XNDC1N: variants seen among roughly 807,000 people sequenced by gnomAD.
The protein encoded by XNDC1N is protein XNDC1N.
the XNDC1N span, among the ~76,000 whole-genome samples, chr11:71,898,115 C>A: frequency 2.2e-4 from 33 of 150,794 alleles, no homozygotes; most frequent in African/African-American, 7.4e-4. Flanking sequence ...ACCCAGGAGG[C>A]GGAGGTTGGA....
chr11:71,903,340 C>T, the XNDC1N span: 5 of 1,441,722 alleles, frequency 3.5e-6, no homozygotes, highest in South Asian at 4.6e-5. Context: ...TGGCCGTCAG[C>T]CCTGACTCCC....
chr11:71,903,198 C>T, the XNDC1N span: 1 of 742,858 alleles, frequency 1.3e-6, no homozygotes, highest in Non-Finnish European at 2.4e-6. Context: ...GATACAGACC[C>T]ACAGAGTCTA....
At chr11:71,898,510 G>A in the XNDC1N span, among the ~76,000 whole-genome samples, 1 of 152,142 alleles carries the variant, frequency 6.6e-6, no homozygotes, top group African/African-American at 2.4e-5. Context: ...GGGAGGCTGA[G>A]ACACAAGAAT....
At chr11:71,881,414 C>T in the XNDC1N span, among the ~76,000 whole-genome samples, 1 of 152,104 alleles carries the variant, frequency 6.6e-6, no homozygotes, top group Non-Finnish European at 1.5e-5. Context: ...AGTTCATTTT[C>T]TCACAGTTCT....
the XNDC1N span, among the ~76,000 whole-genome samples, chr11:71,869,598 A>G: frequency 6.6e-6 from 1 of 152,222 alleles, no homozygotes; most frequent in Admixed American, 6.5e-5. Flanking sequence ...TATCTATCAG[A>G]TCAGTTTTGT....
At chr11:71,893,891 G>C in the XNDC1N span, 4 of 957,042 alleles carry the variant, frequency 4.2e-6, no homozygotes, top group Middle Eastern at 2.5e-4. Context: ...CCTCACCTCT[G>C]TGTCTTCTTC....
the XNDC1N span, chr11:71,865,694 G>A: frequency 3.6e-6 from 1 of 279,880 alleles, no homozygotes; most frequent in Non-Finnish European, 7.0e-6. Context: ...TAATAAAGAA[G>A]TTCAGGGACA....
At chr11:71,917,826 A>T in the XNDC1N span, 3 of 694,844 alleles carry the variant, frequency 4.3e-6, no homozygotes, top group East Asian at 8.1e-5. Context: ...ATGACTGAAG[A>T]CAAAGGAATA....
At chr11:71,888,384 G>C in the XNDC1N span, among the ~76,000 whole-genome samples, 6 of 152,178 alleles carry the variant, frequency 3.9e-5, no homozygotes, top group South Asian at 1.2e-3. Flanking sequence ...TATTAGCCAA[G>C]CCTTTGTATG....
the XNDC1N span, chr11:71,918,798 A>G: frequency 1.5e-6 from 1 of 661,710 alleles, no homozygotes; most frequent in Non-Finnish European, 2.7e-6. Context: ...CTCAGCCAGA[A>G]TGAACTGAGA....
the XNDC1N span, among the ~76,000 whole-genome samples, chr11:71,898,499 C>A: frequency 6.6e-6 from 1 of 152,020 alleles, no homozygotes; most frequent in Non-Finnish European, 1.5e-5. Flanking sequence ...CCCAGCTACT[C>A]GGGAGGCTGA....
the XNDC1N span, among the ~76,000 whole-genome samples, chr11:71,907,452 T>C: frequency 9.3e-6 from 1 of 107,712 alleles, no homozygotes. Flanking sequence ...ATGCGGGGAG[T>C]AAGAGCCAGC....
At chr11:71,881,854 A>G in the XNDC1N span, among the ~76,000 whole-genome samples, 3 of 152,304 alleles carry the variant, frequency 2.0e-5, no homozygotes, top group South Asian at 4.1e-4. Context: ...AGAATATTTA[A>G]TAAGTGTAGG....
At chr11:71,923,481 A>G in the XNDC1N span, 1 of 643,678 alleles carries the variant, frequency 1.6e-6, no homozygotes, top group Non-Finnish European at 2.8e-6. Flanking sequence ...TACTCCTGAA[A>G]AAGAGAACAG....
the XNDC1N span, among the ~76,000 whole-genome samples, chr11:71,918,251 T>G: frequency 6.6e-6 from 1 of 152,310 alleles, no homozygotes; most frequent in East Asian, 1.9e-4. Context: ...GACACAGATA[T>G]TTACAGGTGT....
chr11:71,907,492 C>T, the XNDC1N span, among the ~76,000 whole-genome samples: 1 of 151,832 alleles, frequency 6.6e-6, no homozygotes. Flanking sequence ...TCTTAGGATC[C>T]GCGGTGGACT....
At chr11:71,906,942 C>T in the XNDC1N span, among the ~76,000 whole-genome samples, 1 of 152,032 alleles carries the variant, frequency 6.6e-6, no homozygotes, top group Non-Finnish European at 1.5e-5. Flanking sequence ...GGTGTACAAA[C>T]CCTGTGACAT....
the XNDC1N span, among the ~76,000 whole-genome samples, chr11:71,924,871 G>C: frequency 6.6e-6 from 1 of 151,974 alleles, no homozygotes; most frequent in Non-Finnish European, 1.5e-5. Flanking sequence ...TCTTTAGGTG[G>C]AATCTCTTCA....
At chr11:71,898,062 T>C in the XNDC1N span, among the ~76,000 whole-genome samples, 14 of 152,076 alleles carry the variant, frequency 9.2e-5, no homozygotes, top group Admixed American at 6.5e-5. Context: ...CGTGTGCCTA[T>C]AGTCCCAACT....
Sources: gnomAD v4.1 joint callset for allele counts (sites outside exome capture counted in the v4.1 genomes callset) on GRCh38, gnomAD v4.1.1 for gene constraint, MANE v1.5 for transcripts, NCBI Gene and HGNC (gene_info 2026-07-23, HGNC 2026-07-21) for gene names.